PLCL1: variants seen among roughly 807,000 people sequenced by gnomAD.
The protein encoded by PLCL1 is inactive phospholipase C-like protein 1.
In PLCL1, 41 loss-of-function variants were observed where a neutral mutation model predicts 84.4. That is an observed-to-expected ratio of 0.49 (90% CI 0.38 to 0.63). PLCL1 has a LOEUF of 0.63. Ranked by LOEUF, PLCL1 falls within the 30% of genes least tolerant of loss-of-function variation. The probability of loss-of-function intolerance (pLI) is 0.00; values close to 1 mark genes in which losing one functional copy is unlikely to be tolerated. For missense variants in PLCL1, 1,206 were observed against 1,367.8 expected (o/e 0.88, Z 1.87); for synonymous variants, 490 against 488.3 (o/e 1.00, Z -0.05).
chr2:197,971,747 T>C (rs201032334), intron 1 of PLCL1, among the ~76,000 whole-genome samples: 2 of 152,214 alleles, frequency 1.3e-5, no homozygotes, highest in East Asian at 3.8e-4. Flanking sequence ...GACTTTTACT[T>C]TCTTTGTTAC....
At chr2:197,960,538 T>C (rs1689595027) in intron 1 of PLCL1, among the ~76,000 whole-genome samples, 1 of 152,070 alleles carries the variant, frequency 6.6e-6, no homozygotes, top group African/African-American at 2.4e-5. Context: ...AATGGTGATA[T>C]TAGAGCCATA....
intron 1 of PLCL1, among the ~76,000 whole-genome samples, chr2:197,965,827 T>C (rs1689720445): frequency 6.6e-6 from 1 of 152,158 alleles, no homozygotes; most frequent in Admixed American, 6.5e-5. Flanking sequence ...AACAGGAGCA[T>C]GTTGTTTAAT....
At chr2:197,819,515 A>G (rs995310958) in intron 1 of PLCL1, among the ~76,000 whole-genome samples, 5 of 152,096 alleles carry the variant, frequency 3.3e-5, no homozygotes, top group African/African-American at 1.2e-4. Flanking sequence ...TTTATACCAC[A>G]ACTTGAGACT....
At chr2:197,929,785 C>T (rs927636878) in intron 1 of PLCL1, among the ~76,000 whole-genome samples, 87 of 152,232 alleles carry the variant, frequency 5.7e-4, no homozygotes, top group African/African-American at 2.0e-3. Context: ...TTTAGTTCTT[C>T]GTCCATCTTT....
At chr2:198,019,934 C>T (rs1020278547) in intron 1 of PLCL1, among the ~76,000 whole-genome samples, 2 of 152,056 alleles carry the variant, frequency 1.3e-5, no homozygotes, top group Admixed American at 6.6e-5. Flanking sequence ...GACACATAAT[C>T]GTCAGATTTA....
intron 1 of PLCL1, chr2:198,001,865 G>A (rs1490141784): frequency 7.5e-6 from 2 of 265,182 alleles, no homozygotes; most frequent in Non-Finnish European, 1.5e-5. Flanking sequence ...ACCCTATTGT[G>A]AACTGTGCGT....
At chr2:198,055,190 C>T (rs768460317) in intron 1 of PLCL1, among the ~76,000 whole-genome samples, 3 of 151,662 alleles carry the variant, frequency 2.0e-5, no homozygotes, top group Admixed American at 6.6e-5. Flanking sequence ...GCAAATATAA[C>T]GTTTCCTGTT....
chr2:197,907,180 C>G (rs2105742682), intron 1 of PLCL1, among the ~76,000 whole-genome samples: 1 of 152,294 alleles, frequency 6.6e-6, no homozygotes, highest in African/African-American at 2.4e-5. Flanking sequence ...ATTGGAAGTT[C>G]TGGCCAGGGC....
At chr2:198,032,570 TA>T (rs939318163) in intron 1 of PLCL1, among the ~76,000 whole-genome samples, 2 of 152,186 alleles carry the variant, frequency 1.3e-5, no homozygotes, top group African/African-American at 4.8e-5. Context: ...ACATTTTTTT[TA>T]GGCCAGTACA....
At chr2:198,018,627 G>C (rs188922643) in intron 1 of PLCL1, among the ~76,000 whole-genome samples, 268 of 152,310 alleles carry the variant, frequency 1.8e-3, no homozygotes, top group Admixed American at 2.9e-3. Context: ...AGTTCGGACT[G>C]TGTGGAGTCC....
chr2:197,972,687 T>C (rs1195272577), intron 1 of PLCL1, among the ~76,000 whole-genome samples: 2 of 152,238 alleles, frequency 1.3e-5, no homozygotes, highest in African/African-American at 4.8e-5. Context: ...AGGGTTTAGA[T>C]GTAAAAAGTG....
At chr2:198,124,250 C>T (rs926890073) in intron 5 of PLCL1, among the ~76,000 whole-genome samples, 2 of 152,100 alleles carry the variant, frequency 1.3e-5, no homozygotes, top group Non-Finnish European at 2.9e-5. Context: ...ACTAGCTTAT[C>T]GCTCAACAAA....
chr2:198,146,855 T>G lies in PLCL1; in HGVS notation c.3181T>G (p.Ser1061Ala), dbSNP rs1365489588. ...GAAGCAGATCCAGCTGGCATGCCTGTCCTGTGGACTGAGTAAAGCCCCCAG... is the reference window on the plus strand; with the variant it reads ...GAAGCAGATCCAGCTGGCATGCCTGGCCTGTGGACTGAGTAAAGCCCCCAG... ...NMKQIQLACL[S>A]CGLSKAPSSS... Residue 1061 changes from serine (S) to alanine (A), a missense_variant, in exon 6 of 6, where the codon TCC (serine) becomes GCC (alanine). Ser to Ala is a moderately conservative substitution (Grantham distance 99, BLOSUM62 1). Coordinates refer to ENST00000428675, the MANE Select transcript of PLCL1 (RefSeq NM_006226.4). 6.2e-7 allele frequency: 1 copy of G among 1,613,628 alleles called. No homozygotes were observed. Among genetic ancestry groups the G allele is most frequent in the African/African-American group, 1.3e-5 (1 of 74,996 alleles).
chr2:197,833,647 A>G (rs1288398683), intron 1 of PLCL1, among the ~76,000 whole-genome samples: 1 of 151,664 alleles, frequency 6.6e-6, no homozygotes, highest in Admixed American at 6.6e-5. Context: ...TTCAAGGAGG[A>G]CTACAAGGAA....
At chr2:198,144,775 T>C (rs1694477146) in intron 5 of PLCL1, among the ~76,000 whole-genome samples, 3 of 152,316 alleles carry the variant, frequency 2.0e-5, no homozygotes, top group African/African-American at 7.2e-5. Context: ...CTGTGTCACA[T>C]GGGCAATGCT....
At chr2:197,841,787 C>T (rs571391235) in intron 1 of PLCL1, among the ~76,000 whole-genome samples, 2 of 152,216 alleles carry the variant, frequency 1.3e-5, no homozygotes, top group South Asian at 4.1e-4. Context: ...TAAGAAATGT[C>T]AAGGTAACTT....
chr2:197,940,924 G>C (rs2105774102), intron 1 of PLCL1, among the ~76,000 whole-genome samples: 1 of 152,252 alleles, frequency 6.6e-6, no homozygotes, highest in South Asian at 2.1e-4. Flanking sequence ...AATGATGAAA[G>C]TATACAGTCT....
chr2:198,081,409 C>T (rs181825860), intron 1 of PLCL1, among the ~76,000 whole-genome samples: 142 of 152,180 alleles, frequency 9.3e-4, no homozygotes, highest in African/African-American at 3.4e-3. Flanking sequence ...TAGGTGCCTG[C>T]CTTGATGGTG....
intron 1 of PLCL1, among the ~76,000 whole-genome samples, chr2:197,889,910 A>G (rs923556543): frequency 4.6e-5 from 7 of 152,196 alleles, no homozygotes; most frequent in African/African-American, 1.7e-4. Context: ...TATATAGTAT[A>G]AGAAAAAAGA....
Sources: gnomAD v4.1 joint callset for allele counts (sites outside exome capture counted in the v4.1 genomes callset) on GRCh38, gnomAD v4.1.1 for gene constraint, MANE v1.5 for transcripts, NCBI Gene and HGNC (gene_info 2026-07-23, HGNC 2026-07-21) for gene names.